ADRA1A: variants seen among roughly 807,000 people sequenced by gnomAD.
ADRA1A encodes adrenoceptor alpha 1A.
ADRA1A carries 31 observed loss-of-function variants against 29.6 expected under a neutral mutation model. That is an observed-to-expected ratio of 1.05 (90% CI 0.79 to 1.41). The LOEUF (loss-of-function observed/expected upper bound fraction) is 1.41, where lower values mean the gene tolerates loss of function less well. ADRA1A is among the 40% of genes most tolerant of loss of function. The pLI is 0.00. For missense variants in ADRA1A, 619 were observed against 601.1 expected (o/e 1.03, Z -0.31); for synonymous variants, 311 against 254.3 (o/e 1.22, Z -2.12).
chr8:26,810,249 G>C (rs61761845), intron 2 of ADRA1A, among the ~76,000 whole-genome samples: 1 of 152,166 alleles, frequency 6.6e-6, no homozygotes, highest in East Asian at 1.9e-4. Flanking sequence ...CAAATTCCAC[G>C]TTGGGTTAAT....
rs182844749 is a variant in ADRA1A at position 26,855,812 on chromosome 8, G to A, written c.883+8275C>T. On this transcript the variant is annotated intron_variant, in intron 2 of 2. Transcript: ENST00000380573. ...AAAACATAAAAATGAAAAGCCACTA[G>A]GCAAGTGTCAAACTGGCAAACCAAA... 8.9e-4 allele frequency among the ~76,000 whole-genome samples: 136 copies of A among 152,320 alleles called. 1 individual carries two copies. Among genetic ancestry groups the A allele is most frequent in the Non-Finnish European group, 1.5e-3 (101 of 68,018 alleles).
intron 2 of ADRA1A, chr8:26,779,324 C>T (rs1413915191): frequency 4.3e-6 from 3 of 702,684 alleles, no homozygotes; most frequent in Non-Finnish European, 7.8e-6. Context: ...AAACACCTTC[C>T]AAATTTTCCT....
In ADRA1A at chr8:26,777,541, C is replaced by G. The variant is rs61760531; in HGVS notation, c.884-6875G>C. Among the ~76,000 whole-genome samples the G allele has an allele frequency of 5.1e-3, 776 of 152,282 alleles. 8 individuals are homozygous for G. Among genetic ancestry groups the G allele is most frequent in the African/African-American group, 0.016 (649 of 41,546 alleles). On this transcript the variant is annotated intron_variant, in intron 2 of 2. Coordinates refer to ENST00000380573, the MANE Select transcript of ADRA1A (RefSeq NM_000680.4). ...TGATTTCGGTGCCTCTTTGGAAGGA[C>G]TTCGCTAGTCTTTTTTTCCCCTATT...
chr8:26,860,429 C>T lies in ADRA1A; in HGVS notation c.883+3658G>A, dbSNP rs2130784881. On this transcript the variant is annotated intron_variant, in intron 2 of 2. Transcript: ENST00000380573. This position sits in a 1 kb window ranked among gnomAD's most constrained non-coding sequence, Gnocchi z 4.7. ...GTCCTCAGCATTGCCTCCTGTATCCCTCAGCTGCTTAGCTCTTAGAGAAAA... is the reference window on the plus strand; with the variant it reads ...GTCCTCAGCATTGCCTCCTGTATCCTTCAGCTGCTTAGCTCTTAGAGAAAA... Among the ~76,000 whole-genome samples, 1 of 152,286 alleles carries T rather than the reference C, an allele frequency of 6.6e-6. No homozygotes were observed. Among genetic ancestry groups the T allele is most frequent in the South Asian group, 2.1e-4 (1 of 4,826 alleles).
intron 2 of ADRA1A, among the ~76,000 whole-genome samples, chr8:26,789,823 A>T (rs1033548783): frequency 1.3e-5 from 2 of 152,314 alleles, no homozygotes; most frequent in East Asian, 3.9e-4. Context: ...GATATTTCTC[A>T]AAAGAAGACA....
intron 2 of ADRA1A, among the ~76,000 whole-genome samples, chr8:26,837,617 C>T (rs943487468): frequency 1.3e-5 from 2 of 149,780 alleles, no homozygotes; most frequent in South Asian, 4.2e-4. Context: ...CACCATTGCA[C>T]TCCAGCCTGG....
intron 2 of ADRA1A, among the ~76,000 whole-genome samples, chr8:26,818,623 G>A (rs1027658300): frequency 4.6e-5 from 7 of 151,928 alleles, no homozygotes; most frequent in African/African-American, 1.7e-4. Flanking sequence ...CAGAAATTCT[G>A]GAGCTGAATA....
chr8:26,789,136 G>GT (rs1807626473), intron 2 of ADRA1A, among the ~76,000 whole-genome samples: 1 of 151,206 alleles, frequency 6.6e-6, no homozygotes, highest in Non-Finnish European at 1.5e-5. Context: ...CAGGTGTGAT[G>GT]TTCCCCTAAA....
At chr8:26,839,042 A>T (rs1015769899) in intron 2 of ADRA1A, among the ~76,000 whole-genome samples, 1 of 152,216 alleles carries the variant, frequency 6.6e-6, no homozygotes, top group Admixed American at 6.5e-5. Context: ...ATCAAGATAG[A>T]CTTGCAAGCA....
Position 26,815,395 on chromosome 8 carries a change from C to T in ADRA1A, c.884-44729G>A, listed in dbSNP as rs1186158146. ...AGGGAGCAAAAAATTATCCAAAGCA[C>T]TAAAACAAGAGGTAGCAAAAACCTA... On this transcript the variant is annotated intron_variant, in intron 2 of 2. Coordinates refer to ENST00000380573, the MANE Select transcript of ADRA1A (RefSeq NM_000680.4). The surrounding 1 kb of genome is among the most constrained non-coding windows in gnomAD (Gnocchi z 4.2). 6.6e-6 allele frequency among the ~76,000 whole-genome samples: 1 copy of T among 152,158 alleles called. No individual in the cohort carries two copies. Among genetic ancestry groups the T allele is most frequent in the Non-Finnish European group, 1.5e-5 (1 of 68,044 alleles).
intron 2 of ADRA1A, among the ~76,000 whole-genome samples, chr8:26,776,367 A>G (rs1432140604): frequency 6.6e-6 from 1 of 152,208 alleles, no homozygotes; most frequent in East Asian, 1.9e-4. Flanking sequence ...TACCCCCTGG[A>G]AAACTTGACA....
At chr8:26,820,059 G>A (rs1810048657) in intron 2 of ADRA1A, among the ~76,000 whole-genome samples, 5 of 151,998 alleles carry the variant, frequency 3.3e-5, no homozygotes, top group Admixed American at 2.0e-4. Context: ...AGATATAACT[G>A]TAAGTGCACC....
chr8:26,850,732 T>G (rs554030223), intron 2 of ADRA1A, among the ~76,000 whole-genome samples: 1 of 152,336 alleles, frequency 6.6e-6, no homozygotes, highest in African/African-American at 2.4e-5. Context: ...CCTCAAGTGA[T>G]CCGCCCACCT....
rs1184923498 is a variant in ADRA1A, at chr8:26,865,144, C to T, written c.-175G>A. ...GGGTGGGAAACAACCCTGGCCAGCC[C>T]TGGGAACCCTCAGAAGGCCACATGA... On this transcript the variant is annotated 5_prime_UTR_variant, in exon 2 of 3. Transcript: ENST00000380573. The surrounding 1 kb of genome is among the most constrained non-coding windows in gnomAD (Gnocchi z 7.6). 1.4e-6 allele frequency: 2 copies of T among 1,444,562 alleles called. No individual in the cohort carries two copies. The highest frequency in any genetic ancestry group is 2.5e-5 in the East Asian group (1 of 40,358). 89.5% of individuals were successfully genotyped at this position (1,444,562 alleles called of 1,614,324 possible).
intron 2 of ADRA1A, among the ~76,000 whole-genome samples, chr8:26,792,156 G>T (rs1807882976): frequency 6.6e-6 from 1 of 152,090 alleles, no homozygotes; most frequent in Non-Finnish European, 1.5e-5. Context: ...GTGCGCTTTT[G>T]AATCTTGCTT....
chr8:26,752,897 C>T (rs1430222315), downstream of ADRA1A, among the ~76,000 whole-genome samples: 1 of 152,178 alleles, frequency 6.6e-6, no homozygotes. Context: ...AGCCCAGAAG[C>T]CCTCTAATGA....
intron 2 of ADRA1A, among the ~76,000 whole-genome samples, chr8:26,839,438 G>A (rs1307405658): frequency 2.6e-5 from 4 of 152,250 alleles, no homozygotes; most frequent in East Asian, 1.9e-4. Flanking sequence ...GATTACAGGC[G>A]TGAGCCACCA....
intron 2 of ADRA1A, among the ~76,000 whole-genome samples, chr8:26,849,772 C>T (rs1481628039): frequency 6.6e-6 from 1 of 152,080 alleles, no homozygotes; most frequent in African/African-American, 2.4e-5. Context: ...AGCAAGTGTA[C>T]ACCTTTAAAA....
chr8:26,759,616 G>C (rs555008528), intron 2 of ADRA1A, among the ~76,000 whole-genome samples: 1 of 152,056 alleles, frequency 6.6e-6, no homozygotes, highest in Non-Finnish European at 1.5e-5. Flanking sequence ...GGACTGACTC[G>C]GGGAGGCACT....
Sources: allele counts gnomAD v4.1 joint callset (sites outside exome capture counted in the v4.1 genomes callset), GRCh38; gene constraint gnomAD v4.1.1; non-coding constraint Gnocchi (gnomAD v3.1); transcripts MANE v1.5; gene names NCBI Gene and HGNC (gene_info 2026-07-23, HGNC 2026-07-21).